The following LDB2 variants were observed in gnomAD, a reference collection of about 807,000 sequenced individuals.
LDB2 encodes the protein LIM domain-binding protein 2.
A neutral mutation model predicts 44.3 loss-of-function variants in LDB2; 12 were observed. The ratio of observed to expected loss-of-function variants is 0.27; its 90% CI spans 0.17 to 0.44. LDB2 has a LOEUF of 0.44. Among genes scored for constraint, LDB2 ranks in the 20% least tolerant of loss-of-function variants. The pLI is 1.00. For synonymous variants in LDB2, 164 were observed against 174.8 expected (o/e 0.94, Z 0.49); for missense variants, 344 against 473.5 (o/e 0.73, Z 2.54).
chr4:16,836,293 T>G (rs900547344), intron 1 of LDB2, among the ~76,000 whole-genome samples: 1 of 152,198 alleles, frequency 6.6e-6, no homozygotes, highest in Non-Finnish European at 1.5e-5. Context: ...AATCTAGAAC[T>G]TCATCTGCAC....
intron 1 of LDB2, among the ~76,000 whole-genome samples, chr4:16,799,074 T>C (rs811474): frequency 1.3e-5 from 2 of 152,116 alleles, no homozygotes; most frequent in African/African-American, 2.4e-5. Flanking sequence ...AGGATGGTCT[T>C]GATCTCCTGA....
intron 1 of LDB2, among the ~76,000 whole-genome samples, chr4:16,816,415 T>C (rs1347775756): frequency 1.4e-5 from 2 of 148,124 alleles, no homozygotes; most frequent in African/African-American, 2.5e-5. Flanking sequence ...TTCTTTTTTT[T>C]TTTTTTTTTT....
At position 16,502,816 on chromosome 4, in the gene LDB2, C is replaced by T. The variant is rs771214158; in HGVS notation, c.949G>A (p.Glu317Lys). 1.9e-6 allele frequency: 3 copies of T among 1,614,100 alleles called. No individual in the cohort carries two copies. Among genetic ancestry groups the T allele is most frequent in the South Asian group, 1.1e-5 (1 of 91,080 alleles). ...TTTTCTAATCTAGTGATTAGCCTTT[C>T]GTCCTCGTCCCCAAACTCACCTCCC... ...LMGGEFGDED[E>K]RLITRLENTQ... Residue 317 changes from glutamate (E) to lysine (K), a missense_variant, in exon 8 of 8, where the codon GAA becomes AAA. Physicochemically the swap from Glu to Lys is moderately conservative, Grantham distance 56. Coordinates refer to ENST00000304523, the MANE Select transcript of LDB2 (RefSeq NM_001290.5).
chr4:16,812,576 A>G (rs1561312226), intron 1 of LDB2, among the ~76,000 whole-genome samples: 7 of 98,514 alleles, frequency 7.1e-5, no homozygotes, highest in Admixed American at 6.6e-4. Context: ...GCTGGAATCA[A>G]TGAAATTATA....
chr4:16,757,875 G>C (rs947789844), intron 2 of LDB2, among the ~76,000 whole-genome samples: 2 of 152,050 alleles, frequency 1.3e-5, no homozygotes, highest in African/African-American at 4.8e-5. Flanking sequence ...TCACTTTGTT[G>C]AATATAAAGG....
intron 5 of LDB2, among the ~76,000 whole-genome samples, chr4:16,515,780 G>A (rs1329102409): frequency 6.6e-6 from 1 of 152,102 alleles, no homozygotes; most frequent in African/African-American, 2.4e-5. Context: ...AAAATACATG[G>A]GTGGAGTGGA....
intron 1 of LDB2, among the ~76,000 whole-genome samples, chr4:16,777,441 A>G (rs1215141972): frequency 1.3e-5 from 2 of 149,074 alleles, no homozygotes; most frequent in Non-Finnish European, 2.9e-5. Flanking sequence ...TGAAAGGAAG[A>G]TGCTCATCCA....
chr4:16,753,872 A>C (rs1284739667), intron 2 of LDB2, among the ~76,000 whole-genome samples: 1 of 152,212 alleles, frequency 6.6e-6, no homozygotes, highest in Non-Finnish European at 1.5e-5. Flanking sequence ...CAATGTGCTT[A>C]TTGGAATCCA....
intron 2 of LDB2, among the ~76,000 whole-genome samples, chr4:16,675,619 A>G (rs963017371): frequency 2.0e-5 from 3 of 152,154 alleles, no homozygotes; most frequent in Non-Finnish European, 4.4e-5. Context: ...AAAATAATCT[A>G]GATAAATAAA....
At chr4:16,629,821 C>T (rs11937719) in intron 2 of LDB2, among the ~76,000 whole-genome samples, 2,230 of 151,542 alleles carry the variant, frequency 0.015, 66 homozygotes, top group African/African-American at 0.05. Flanking sequence ...TTCAATCAAG[C>T]GGAAGAAAGG....
intron 5 of LDB2, among the ~76,000 whole-genome samples, chr4:16,549,884 T>G: frequency 6.6e-6 from 1 of 152,200 alleles, no homozygotes; most frequent in African/African-American, 2.4e-5. Context: ...TTAATAAAAA[T>G]GTTAATGGCT....
intron 1 of LDB2, among the ~76,000 whole-genome samples, chr4:16,793,431 T>G (rs930001423): frequency 6.6e-6 from 1 of 152,180 alleles, no homozygotes; most frequent in Non-Finnish European, 1.5e-5. Context: ...GAGGGTTCCA[T>G]AGGTGGAATT....
At chr4:16,606,143 A>C (rs917401903) in intron 2 of LDB2, among the ~76,000 whole-genome samples, 3 of 152,098 alleles carry the variant, frequency 2.0e-5, no homozygotes, top group Non-Finnish European at 4.4e-5. Flanking sequence ...GTTTATTTAC[A>C]CAAAGTTATA....
At position 16,533,990 on chromosome 4, in the gene LDB2, A is replaced by C. The variant is rs1730936354; in HGVS notation, c.616-21886T>G. Among the ~76,000 whole-genome samples the C allele has an allele frequency of 6.6e-6, 1 of 152,202 alleles. No homozygotes were observed. Among genetic ancestry groups the C allele is most frequent in the Non-Finnish European group, 1.5e-5 (1 of 68,034 alleles). On this transcript the variant is annotated intron_variant, in intron 5 of 7. Coordinates refer to ENST00000304523, the MANE Select transcript of LDB2 (RefSeq NM_001290.5). This position sits in a 1 kb window ranked among gnomAD's most constrained non-coding sequence, Gnocchi z 4.1. Reference sequence around the variant, plus strand: ...TACAATTCATACCATACAGCATGTGAGGACTCTGCATTAATTACAGCAGCA... The same window carrying C: ...TACAATTCATACCATACAGCATGTGCGGACTCTGCATTAATTACAGCAGCA...
intron 2 of LDB2, among the ~76,000 whole-genome samples, chr4:16,677,169 T>C (rs960931786): frequency 2.6e-5 from 4 of 152,046 alleles, no homozygotes; most frequent in Non-Finnish European, 5.9e-5. Flanking sequence ...TGAAGGAAAA[T>C]AGTCATGGGG....
intron 1 of LDB2, among the ~76,000 whole-genome samples, chr4:16,831,094 A>C (rs779594939): frequency 2.6e-5 from 4 of 151,854 alleles, no homozygotes; most frequent in Non-Finnish European, 4.4e-5. Context: ...TGCAGAACTC[A>C]TAGTCAGACT....
intron 2 of LDB2, among the ~76,000 whole-genome samples, chr4:16,743,815 C>T (rs532568709): frequency 2.0e-5 from 3 of 152,312 alleles, no homozygotes; most frequent in East Asian, 3.9e-4. Context: ...CTAGGCAGAG[C>T]ACCCAGCAAC....
At chr4:16,870,859 C>G (rs1266724407) in intron 1 of LDB2, among the ~76,000 whole-genome samples, 1 of 152,118 alleles carries the variant, frequency 6.6e-6, no homozygotes, top group Non-Finnish European at 1.5e-5. Flanking sequence ...GTCTCGAACT[C>G]CTGACCTCAG....
chr4:16,878,795 T>G (rs1175165429), intron 1 of LDB2, among the ~76,000 whole-genome samples: 1 of 152,214 alleles, frequency 6.6e-6, no homozygotes, highest in Non-Finnish European at 1.5e-5. Flanking sequence ...TGGCATCGCA[T>G]GTCCAATTTT....
Sources: gnomAD v4.1 joint callset for allele counts (sites outside exome capture counted in the v4.1 genomes callset) on GRCh38, gnomAD v4.1.1 for gene constraint, Gnocchi (gnomAD v3.1) non-coding constraint, MANE v1.5 for transcripts, NCBI Gene and HGNC (gene_info 2026-07-23, HGNC 2026-07-21) for gene names.